The following CFDP1 variants were observed in gnomAD, a reference collection of about 807,000 sequenced individuals.
CFDP1 encodes the protein chromatin remodeling protein CFDP1, also known as heterochromatin-stabilizing protein CFDP1.
Under a neutral mutation model 40.1 loss-of-function variants are expected in CFDP1, and 31 were observed. The ratio of observed to expected loss-of-function variants is 0.77; its 90% CI spans 0.58 to 1.04. The LOEUF (loss-of-function observed/expected upper bound fraction) is 1.04, where lower values mean the gene tolerates loss of function less well. Ranked by LOEUF, CFDP1 falls within the 50% of genes least tolerant of loss-of-function variation. CFDP1 has a pLI of 0.00. For missense variants in CFDP1, 423 were observed against 343.4 expected, an observed-to-expected ratio of 1.23 and a Z score of -1.83; for synonymous variants, 167 against 120.0, an observed-to-expected ratio of 1.39 and a Z score of -2.56.
At chr16:75,393,774 G>T (rs865926789) in intron 5 of CFDP1, among the ~76,000 whole-genome samples, 1,494 of 109,010 alleles carry the variant, frequency 0.014, 119 homozygotes, top group African/African-American at 0.05. Context: ...AAAAAAAAAA[G>T]TGGGGCCGGG....
chr16:75,381,294 T>C (rs551323495), intron 5 of CFDP1: 1 of 151,894 alleles, frequency 6.6e-6, no homozygotes, highest in Non-Finnish European at 1.5e-5. Context: ...TGAGACCCTG[T>C]CTCAATAAAA....
At chr16:75,422,185 C>A (rs1050832576) in intron 1 of CFDP1, among the ~76,000 whole-genome samples, 1 of 152,072 alleles carries the variant, frequency 6.6e-6, no homozygotes, top group East Asian at 1.9e-4. Flanking sequence ...CAACCTCTGC[C>A]TCCCGTGTTC....
At chr16:75,325,611 G>C (rs1365872817) in intron 5 of CFDP1, among the ~76,000 whole-genome samples, 1 of 152,194 alleles carries the variant, frequency 6.6e-6, no homozygotes, top group East Asian at 1.9e-4. Context: ...ACTCCACAAG[G>C]GCTGGAACGA....
intron 5 of CFDP1, among the ~76,000 whole-genome samples, chr16:75,314,885 G>A (rs1390457309): frequency 6.6e-6 from 1 of 152,048 alleles, no homozygotes; most frequent in Non-Finnish European, 1.5e-5. Flanking sequence ...CCACATAGCT[G>A]GGATTACCGG....
At chr16:75,303,618 C>T (rs1762454078) in intron 6 of CFDP1, among the ~76,000 whole-genome samples, 1 of 151,248 alleles carries the variant, frequency 6.6e-6, no homozygotes, top group Non-Finnish European at 1.5e-5. Flanking sequence ...CGTTTGAGCC[C>T]AAAAGTTTGA....
intron 5 of CFDP1, among the ~76,000 whole-genome samples, chr16:75,377,061 C>T (rs1187971547): frequency 6.6e-6 from 1 of 152,220 alleles, no homozygotes; most frequent in African/African-American, 2.4e-5. Flanking sequence ...TTTCTTCTAC[C>T]ACCAGCTAGC....
In CFDP1 at chr16:75,314,395, T is replaced by C. The variant is rs114929622; in HGVS notation, c.651-9213A>G. On this transcript the variant is annotated intron_variant, in intron 5 of 6. Coordinates refer to ENST00000283882, the MANE Select transcript of CFDP1 (RefSeq NM_006324.3). ...AAGGACCATATATTGTATGATTCCA[T>C]TGATATGAAATGTCCAGAATAGACA... 5.3e-3 allele frequency among the ~76,000 whole-genome samples: 801 copies of C among 152,216 alleles called. 8 individuals carry two copies. Among genetic ancestry groups the C allele is most frequent in the African/African-American group, 0.019 (776 of 41,530 alleles).
intron 5 of CFDP1, among the ~76,000 whole-genome samples, chr16:75,358,991 G>GTATC (rs1431735797): frequency 1.3e-5 from 2 of 152,276 alleles, no homozygotes; most frequent in East Asian, 3.9e-4. Flanking sequence ...ATTTGGCGTA[G>GTATC]TATCACAAAA....
At chr16:75,338,438 T>C (rs2078504956) in intron 5 of CFDP1, among the ~76,000 whole-genome samples, 1 of 152,112 alleles carries the variant, frequency 6.6e-6, no homozygotes. Context: ...TCAGGGAATG[T>C]TCAGGGCAGA....
At chr16:75,377,902 T>C (rs2078815736) in intron 5 of CFDP1, among the ~76,000 whole-genome samples, 1 of 152,252 alleles carries the variant, frequency 6.6e-6, no homozygotes, top group African/African-American at 2.4e-5. Context: ...CTACATCTAT[T>C]TCACGCAGCA....
intron 5 of CFDP1, among the ~76,000 whole-genome samples, chr16:75,318,335 G>T (rs1742814635): frequency 1.3e-5 from 2 of 151,982 alleles, no homozygotes; most frequent in Admixed American, 6.5e-5. Context: ...GCACTGGGCA[G>T]AAGATCAATA....
chr16:75,361,646 C>A (rs2078679955), intron 5 of CFDP1, among the ~76,000 whole-genome samples: 1 of 151,782 alleles, frequency 6.6e-6, no homozygotes, highest in Non-Finnish European at 1.5e-5. Context: ...AAAAGACACA[C>A]AAATCAACTT....
intron 5 of CFDP1, among the ~76,000 whole-genome samples, chr16:75,380,338 G>T (rs1221143827): frequency 3.3e-5 from 5 of 152,018 alleles, no homozygotes; most frequent in Admixed American, 1.3e-4. Context: ...CGGGTATTTG[G>T]ATCAAAGAAG....
chr16:75,372,671 A>T (rs1251751753), intron 5 of CFDP1: 1 of 152,244 alleles, frequency 6.6e-6, no homozygotes, highest in Non-Finnish European at 1.5e-5. Flanking sequence ...TGCAAAGTTC[A>T]TTCAACTCTT....
intron 5 of CFDP1, among the ~76,000 whole-genome samples, chr16:75,308,260 A>C (rs2078271501): frequency 6.6e-6 from 1 of 152,158 alleles, no homozygotes. Context: ...GCTTCTCAGA[A>C]GTTCTGGTGG....
chr16:75,363,890 T>C (rs1302965590), intron 5 of CFDP1, among the ~76,000 whole-genome samples: 1 of 150,812 alleles, frequency 6.6e-6, no homozygotes, highest in Non-Finnish European at 1.5e-5. Context: ...CAAAACAGAT[T>C]TGATTCACGC....
chr16:75,329,686 C>G (rs2151514286), intron 5 of CFDP1, among the ~76,000 whole-genome samples: 1 of 152,274 alleles, frequency 6.6e-6, no homozygotes, highest in African/African-American at 2.4e-5. Context: ...TTGTTTATTC[C>G]TAATAAAGAC....
In CFDP1 at chr16:75,422,583, C is replaced by T. The variant is rs190141449; in HGVS notation, c.65-7888G>A. 3.5e-3 allele frequency among the ~76,000 whole-genome samples: 531 copies of T among 151,056 alleles called. 4 individuals are homozygous for T. Among genetic ancestry groups the T allele is most frequent in the African/African-American group, 0.012 (496 of 41,074 alleles). On this transcript the variant is annotated intron_variant, in intron 1 of 6. Transcript: ENST00000283882. ...CTGATTTTTGCATTTTTGGTAGAGA[C>T]GGGGTTTCACCATGTTCGTCAGACT...
chr16:75,433,127 C>T (rs2079444723), intron 1 of CFDP1, among the ~76,000 whole-genome samples, 162 bp downstream of exon 1: 1 of 152,168 alleles, frequency 6.6e-6, no homozygotes, highest in Non-Finnish European at 1.5e-5. Context: ...CGCCTCGGGC[C>T]GGAGCGGCCG....
Sources: allele counts gnomAD v4.1 joint callset (sites outside exome capture counted in the v4.1 genomes callset), GRCh38; gene constraint gnomAD v4.1.1; transcripts MANE v1.5; gene names NCBI Gene and HGNC (gene_info 2026-07-23, HGNC 2026-07-21).